The following CNTN5 variants were observed in gnomAD, a reference collection of about 807,000 sequenced individuals.
CNTN5 encodes the protein contactin-5.
Under a neutral mutation model 129.1 loss-of-function variants are expected in CNTN5, and 77 were observed. The observed-to-expected ratio is 0.60, with a 90% confidence interval of 0.50 to 0.72. The LOEUF (loss-of-function observed/expected upper bound fraction) is 0.72. CNTN5 is among the 30% of genes least tolerant of loss of function. CNTN5 has a pLI of 0.00. For synonymous variants in CNTN5, 509 were observed against 465.6 expected (o/e 1.09, Z -1.20); for missense variants, 1,478 against 1,328.8 (o/e 1.11, Z -1.75).
chr11:100,223,998 A>G (rs549685427), intron 15 of CNTN5, among the ~76,000 whole-genome samples: 3 of 151,326 alleles, frequency 2.0e-5, no homozygotes, highest in African/African-American at 7.2e-5. Context: ...GTACTCATTG[A>G]TCTCCCTAAC....
At chr11:99,023,468 A>C (rs1862975982) in intron 1 of CNTN5, among the ~76,000 whole-genome samples, 1 of 152,200 alleles carries the variant, frequency 6.6e-6, no homozygotes, top group South Asian at 2.1e-4. Context: ...AAGGGCCCGC[A>C]TAGGCTGGCC....
At chr11:100,148,071 T>G (rs1946914901) in intron 13 of CNTN5, among the ~76,000 whole-genome samples, 1 of 152,172 alleles carries the variant, frequency 6.6e-6, no homozygotes, top group Non-Finnish European at 1.5e-5. Context: ...ATTAGTAACT[T>G]TTATACTTGT....
intron 2 of CNTN5, among the ~76,000 whole-genome samples, chr11:99,448,559 C>T (rs981197482): frequency 6.6e-6 from 1 of 151,568 alleles, no homozygotes; most frequent in South Asian, 2.1e-4. Context: ...GGTAAAACTG[C>T]AATTTTTTGT....
intron 4 of CNTN5, among the ~76,000 whole-genome samples, chr11:99,823,440 C>A (rs140752020): frequency 6.6e-5 from 10 of 151,814 alleles, no homozygotes; most frequent in African/African-American, 2.4e-4. Context: ...CTTCTTTGTT[C>A]TCCTTTATAT....
intron 10 of CNTN5, among the ~76,000 whole-genome samples, chr11:100,068,411 TAAAAG>T (rs1304374037): frequency 6.6e-6 from 1 of 152,068 alleles, no homozygotes; most frequent in Non-Finnish European, 1.5e-5. Flanking sequence ...TGAGTAGAAT[TAAAAG>T]AGACAGAATA....
chr11:99,698,887 T>C (rs372752345), intron 3 of CNTN5, among the ~76,000 whole-genome samples: 2 of 144,196 alleles, frequency 1.4e-5, no homozygotes, highest in South Asian at 2.3e-4. Context: ...GTATAGACAG[T>C]GTGGGAAGCA....
chr11:99,930,271 A>G (rs1950161119), intron 7 of CNTN5, among the ~76,000 whole-genome samples: 1 of 152,132 alleles, frequency 6.6e-6, no homozygotes, highest in South Asian at 2.1e-4. Flanking sequence ...TTCTCAGAAA[A>G]AGGTCACAAT....
At chr11:99,028,394 T>A (rs767103588) in intron 1 of CNTN5, among the ~76,000 whole-genome samples, 3 of 151,824 alleles carry the variant, frequency 2.0e-5, no homozygotes, top group Non-Finnish European at 3.0e-5. Flanking sequence ...ACCCATAGGG[T>A]GAATATAATT....
At chr11:99,351,187 A>C (rs909700483) in intron 2 of CNTN5, among the ~76,000 whole-genome samples, 9 of 152,228 alleles carry the variant, frequency 5.9e-5, no homozygotes, top group Admixed American at 3.9e-4. Context: ...AGGTCCATTT[A>C]ACTCCCTGTT....
At chr11:99,924,148 C>T (rs902447827) in intron 7 of CNTN5, among the ~76,000 whole-genome samples, 3 of 152,182 alleles carry the variant, frequency 2.0e-5, no homozygotes, top group African/African-American at 7.2e-5. Flanking sequence ...AAGATGGTAT[C>T]TCATTGCGGT....
At chr11:99,154,871 C>T (rs1328040758) in intron 1 of CNTN5, among the ~76,000 whole-genome samples, 2 of 152,116 alleles carry the variant, frequency 1.3e-5, no homozygotes, top group Non-Finnish European at 2.9e-5. Flanking sequence ...GGTGGTCACC[C>T]TCAGGCTAAA....
At chr11:100,039,739 C>T (rs1012010927) in intron 9 of CNTN5, among the ~76,000 whole-genome samples, 3 of 152,084 alleles carry the variant, frequency 2.0e-5, no homozygotes, top group Non-Finnish European at 2.9e-5. Context: ...TCACTGATAC[C>T]CTTTCTTCCA....
intron 1 of CNTN5, among the ~76,000 whole-genome samples, chr11:99,257,043 G>A (rs1431216077): frequency 6.6e-6 from 1 of 152,076 alleles, no homozygotes. Flanking sequence ...CCAAATGACA[G>A]AGCCAGATTC....
intron 24 of CNTN5, 26 bp downstream of exon 24, chr11:100,350,896 T>A: frequency 6.6e-7 from 1 of 1,517,066 alleles, no homozygotes; most frequent in Non-Finnish European, 8.9e-7. Context: ...GTAGATTTAA[T>A]TTGCTGACAA....
At chr11:99,524,507 A>C (rs1770579542) in intron 2 of CNTN5, among the ~76,000 whole-genome samples, 1 of 152,158 alleles carries the variant, frequency 6.6e-6, no homozygotes, top group African/African-American at 2.4e-5. Context: ...TACGTGTGTC[A>C]ATGAAATATA....
chr11:99,083,163 G>A (rs909832374), intron 1 of CNTN5, among the ~76,000 whole-genome samples: 1 of 151,724 alleles, frequency 6.6e-6, no homozygotes, highest in African/African-American at 2.4e-5. Context: ...TTCTTCTCCT[G>A]AATGCATTTA....
intron 8 of CNTN5, among the ~76,000 whole-genome samples, chr11:99,965,139 G>T (rs930137411): frequency 5.3e-5 from 8 of 152,160 alleles, no homozygotes; most frequent in African/African-American, 9.6e-5. Context: ...TTTTTGAACG[G>T]TTTTTTGTGT....
At chr11:99,803,747 G>A (rs1342926046) in intron 3 of CNTN5, among the ~76,000 whole-genome samples, 1 of 152,162 alleles carries the variant, frequency 6.6e-6, no homozygotes, top group Non-Finnish European at 1.5e-5. Context: ...AATCACAGAG[G>A]GTGGCTGTAT....
chr11:99,213,295 CAT>C (rs1276533506), intron 1 of CNTN5, among the ~76,000 whole-genome samples: 11 of 140,832 alleles, frequency 7.8e-5, no homozygotes, highest in East Asian at 2.0e-4. Context: ...ATATATATAA[CAT>C]ATATAATATA....
Sources: gnomAD v4.1 joint callset for allele counts (sites outside exome capture counted in the v4.1 genomes callset) on GRCh38, gnomAD v4.1.1 for gene constraint, MANE v1.5 for transcripts, NCBI Gene and HGNC (gene_info 2026-07-23, HGNC 2026-07-21) for gene names.